The following ZC3H12B variants were observed in gnomAD, a reference collection of about 807,000 sequenced individuals.
ZC3H12B encodes zinc finger CCCH-type containing 12B, also known as probable ribonuclease ZC3H12B.
Under a neutral mutation model 43.9 loss-of-function variants are expected in ZC3H12B, and 7 were observed. That is an observed-to-expected ratio of 0.16 (90% CI 0.09 to 0.30). ZC3H12B has a LOEUF of 0.30. Ranked by LOEUF, ZC3H12B falls within the 10% of genes least tolerant of loss-of-function variation. The pLI is 1.00. For synonymous variants in ZC3H12B, 222 were observed against 241.7 expected (o/e 0.92, Z 0.76); for missense variants, 475 against 670.2 (o/e 0.71, Z 3.22).
chrX:65,172,997 T>C, the ZC3H12B span, among the ~76,000 whole-genome samples: 1 of 112,127 alleles, frequency 8.9e-6, no homozygotes, highest in Non-Finnish European at 1.9e-5. Context: ...TAGCATTGAA[T>C]CTATAAATTA....
At chrX:65,242,340 T>G in the ZC3H12B span, among the ~76,000 whole-genome samples, 559 of 112,023 alleles carry the variant, frequency 5.0e-3, 2 homozygotes, top group African/African-American at 0.016. Context: ...TAGCATTTCA[T>G]AAACCAATAG....
At chrX:65,372,520 G>A (rs908494416) in intron 2 of ZC3H12B, among the ~76,000 whole-genome samples, 1 of 98,928 alleles carries the variant, frequency 1.0e-5, no homozygotes, top group African/African-American at 3.7e-5. Flanking sequence ...AAGGAAGGAA[G>A]GAAGGAAGGA....
chrX:65,253,845 G>A, the ZC3H12B span, among the ~76,000 whole-genome samples: 2 of 112,237 alleles, frequency 1.8e-5, no homozygotes, highest in East Asian at 5.6e-4. Flanking sequence ...CCCCGAAGCT[G>A]TTTTGCTGGC....
chrX:65,177,948 T>TAC, the ZC3H12B span, among the ~76,000 whole-genome samples: 1 of 112,239 alleles, frequency 8.9e-6, no homozygotes, highest in African/African-American at 3.2e-5. Flanking sequence ...ATAGCCTGTA[T>TAC]ACCCAAGACT....
intron 3 of ZC3H12B, among the ~76,000 whole-genome samples, chrX:65,426,394 A>C (rs1359366422): frequency 4.1e-5 from 2 of 48,998 alleles, no homozygotes; most frequent in Non-Finnish European, 6.7e-5. Context: ...ATTATTTCCA[A>C]AAAAAAAAAA....
the ZC3H12B span, among the ~76,000 whole-genome samples, chrX:65,055,071 C>A: frequency 1.8e-5 from 2 of 111,193 alleles, no homozygotes; most frequent in Admixed American, 9.6e-5. Flanking sequence ...ATTGAATACC[C>A]TTTATTTCCT....
the ZC3H12B span, among the ~76,000 whole-genome samples, chrX:65,126,669 G>A: frequency 1.0e-5 from 1 of 98,927 alleles, no homozygotes; most frequent in South Asian, 4.1e-4. Context: ...GCTTCCGGAG[G>A]TTTTGTTCAA....
the ZC3H12B span, among the ~76,000 whole-genome samples, chrX:65,343,461 T>C: frequency 9.0e-6 from 1 of 111,462 alleles, no homozygotes; most frequent in East Asian, 2.8e-4. Flanking sequence ...TAGCAGGACA[T>C]CAAAAAGCTT....
At chrX:65,132,014 G>T in the ZC3H12B span, among the ~76,000 whole-genome samples, 2 of 111,973 alleles carry the variant, frequency 1.8e-5, no homozygotes, top group Non-Finnish European at 3.8e-5. Flanking sequence ...TGTCCCTGAA[G>T]TCTTGTGGCA....
At chrX:65,189,233 T>G in the ZC3H12B span, among the ~76,000 whole-genome samples, 1 of 103,395 alleles carries the variant, frequency 9.7e-6, no homozygotes, top group Non-Finnish European at 2.0e-5. Context: ...TCTTTGCTAT[T>G]GTGAATAATG....
chrX:65,349,749 A>C, the ZC3H12B span, among the ~76,000 whole-genome samples: 5 of 112,193 alleles, frequency 4.5e-5, no homozygotes, highest in Non-Finnish European at 9.4e-5. Context: ...AAACTAGAAA[A>C]TCTAGAAGAA....
chrX:65,343,964 A>G, the ZC3H12B span, among the ~76,000 whole-genome samples: 6 of 112,573 alleles, frequency 5.3e-5, no homozygotes, highest in Admixed American at 4.7e-4. Context: ...TTTTAAGCTG[A>G]TGAACAAATT....
the ZC3H12B span, among the ~76,000 whole-genome samples, chrX:65,207,224 A>G: frequency 9.5e-6 from 1 of 105,425 alleles, no homozygotes; most frequent in Non-Finnish European, 1.9e-5. Flanking sequence ...TTATAGGAGC[A>G]CATATATGTG....
chrX:65,245,946 C>T, the ZC3H12B span, among the ~76,000 whole-genome samples: 1 of 110,770 alleles, frequency 9.0e-6, no homozygotes, highest in Non-Finnish European at 1.9e-5. Flanking sequence ...GAAAGGGCAT[C>T]CAAATAGGAA....
intron 3 of ZC3H12B, among the ~76,000 whole-genome samples, chrX:65,471,157 T>G (rs1200405311): frequency 1.8e-5 from 2 of 111,857 alleles, no homozygotes; most frequent in Non-Finnish European, 3.8e-5. Context: ...ATTATGTTGC[T>G]TTCTCTTCTC....
At chrX:65,274,141 G>T in the ZC3H12B span, among the ~76,000 whole-genome samples, 2 of 111,984 alleles carry the variant, frequency 1.8e-5, no homozygotes, top group East Asian at 5.6e-4. Context: ...TGGGGAAAAA[G>T]TAAGCAGAAG....
the ZC3H12B span, among the ~76,000 whole-genome samples, chrX:65,121,304 A>G: frequency 9.0e-6 from 1 of 111,118 alleles, no homozygotes; most frequent in Non-Finnish European, 1.9e-5. Context: ...TTGGTAAGGT[A>G]TTAATTATTG....
At chrX:65,409,555 TCCAC>T (rs2066877907) in intron 3 of ZC3H12B, among the ~76,000 whole-genome samples, 2 of 50,960 alleles carry the variant, frequency 3.9e-5, no homozygotes, top group South Asian at 2.6e-3. Context: ...ACCTAAAGAC[TCCAC>T]ACACACACAC....
chrX:65,370,773 C>A lies in ZC3H12B; in HGVS notation n.295+1775C>A, dbSNP rs775872846. Among the ~76,000 whole-genome samples, 156 of 111,771 alleles carry A rather than the reference C, an allele frequency of 1.4e-3. 1 individual carries two copies. The highest frequency in any genetic ancestry group is 5.0e-3 in the African/African-American group (153 of 30,816). ...AAGTAATCTACCACCAAGGAGAAGCCTGCTTAACAGTTCATATTAAAATCT... is the reference window on the plus strand; with the variant it reads ...AAGTAATCTACCACCAAGGAGAAGCATGCTTAACAGTTCATATTAAAATCT... On this transcript the variant is annotated intron_variant and non_coding_transcript_variant, in intron 2 of 5. Coordinates refer to the ZC3H12B transcript ENST00000617377.
Sources: allele counts gnomAD v4.1 joint callset (sites outside exome capture counted in the v4.1 genomes callset), GRCh38; gene constraint gnomAD v4.1.1; transcripts MANE v1.5; gene names NCBI Gene and HGNC (gene_info 2026-07-23, HGNC 2026-07-21).